ARHGEF9: variants seen among roughly 807,000 people sequenced by gnomAD.
ARHGEF9 encodes Cdc42 guanine nucleotide exchange factor 9, also known as rho guanine nucleotide exchange factor 9.
A neutral mutation model predicts 41.3 loss-of-function variants in ARHGEF9; 2 were observed. The ratio of observed to expected loss-of-function variants is 0.05; its 90% CI spans 0.02 to 0.15. The LOEUF is 0.15. Among genes scored for constraint, ARHGEF9 ranks in the 10% least tolerant of loss-of-function variants. The probability of loss-of-function intolerance (pLI) is 1.00; values close to 1 mark genes in which losing one functional copy is unlikely to be tolerated. For synonymous variants in ARHGEF9, 160 were observed against 154.4 expected (o/e 1.04, Z -0.27); for missense variants, 225 against 424.7 (o/e 0.53, Z 4.13).
intron 1 of ARHGEF9, among the ~76,000 whole-genome samples, chrX:63,781,852 A>T (rs781924820): frequency 2.5e-4 from 28 of 112,002 alleles, no homozygotes; most frequent in Non-Finnish European, 4.9e-4. Context: ...TCCCAAGGAC[A>T]TTGGCCTCCT....
intron 2 of ARHGEF9, among the ~76,000 whole-genome samples, chrX:63,716,380 G>C (rs1331562407): frequency 9.0e-5 from 10 of 111,249 alleles, no homozygotes; most frequent in Non-Finnish European, 1.9e-4. Context: ...TCTTTCAGGG[G>C]AGAAAAGTGA....
At chrX:63,743,421 G>C (rs2055082264) in intron 1 of ARHGEF9, 1 of 112,576 alleles carries the variant, frequency 8.9e-6, no homozygotes, top group African/African-American at 3.2e-5. Context: ...CCATAAAATT[G>C]GGAAAATAAT....
chrX:63,715,504 G>T (rs202102682), intron 2 of ARHGEF9, among the ~76,000 whole-genome samples: 61 of 111,635 alleles, frequency 5.5e-4, no homozygotes, highest in East Asian at 5.6e-4. Flanking sequence ...GAGTTGGAAT[G>T]TGATCTTGTT....
At position 63,637,750 on chromosome X, in the gene ARHGEF9, C is replaced by T. The variant is rs182960844; in HGVS notation, c.*278G>A. 27 of 250,488 alleles carry T rather than the reference C, an allele frequency of 1.1e-4. No individual in the cohort carries two copies. The East Asian group carries it at 1.2e-3, about 11-fold the overall frequency. 20.6% of individuals were successfully genotyped at this position (250,488 alleles called of 1,213,427 possible). The stretch of plus-strand genomic sequence containing the variant: ...GGGTAAAAATGGAAAACTTTTAAGA[C>T]GGAATCACATGTTTGGAAGTCATTG... On this transcript the variant is annotated 3_prime_UTR_variant, in exon 10 of 10. Coordinates refer to ENST00000671741, the MANE Select transcript of ARHGEF9 (RefSeq NM_001353921.2).
chrX:63,691,487 C>T (rs1263281230), intron 4 of ARHGEF9, among the ~76,000 whole-genome samples: 1 of 110,686 alleles, frequency 9.0e-6, no homozygotes, highest in African/African-American at 3.3e-5. Flanking sequence ...GACAACTACA[C>T]ACAAAAAGGG....
At chrX:63,771,881 C>T (rs1290423851) in intron 1 of ARHGEF9, among the ~76,000 whole-genome samples, 3 of 111,266 alleles carry the variant, frequency 2.7e-5, no homozygotes, top group Non-Finnish European at 5.7e-5. Context: ...GATCTTAATG[C>T]AATTAAAGTC....
intron 8 of ARHGEF9, among the ~76,000 whole-genome samples, chrX:63,651,588 G>C (rs1216121532): frequency 1.8e-5 from 2 of 111,338 alleles, no homozygotes; most frequent in Non-Finnish European, 3.8e-5. Context: ...ATGGATTACT[G>C]TTCTAAAAAT....
At chrX:63,721,819 C>G (rs1304813712) in intron 2 of ARHGEF9, among the ~76,000 whole-genome samples, 1 of 110,554 alleles carries the variant, frequency 9.0e-6, no homozygotes, top group Non-Finnish European at 1.9e-5. Context: ...GAAGGTATAT[C>G]AGCTCCTACA....
chrX:63,715,342 G>A (rs1290482609), intron 2 of ARHGEF9, among the ~76,000 whole-genome samples: 1 of 111,499 alleles, frequency 9.0e-6, no homozygotes, highest in Non-Finnish European at 1.9e-5. Flanking sequence ...TGGAAGTACC[G>A]ATTTCATGAT....
chrX:63,637,180 C>A lies in ARHGEF9; in HGVS notation c.*848G>T. Reference sequence around the variant, plus strand: ...TTGCAACGACCCAGAAGTGCTGCAACATGGGAAACCCCAGTGATAGAAGAA... The same window carrying A: ...TTGCAACGACCCAGAAGTGCTGCAAAATGGGAAACCCCAGTGATAGAAGAA... On this transcript the variant is annotated 3_prime_UTR_variant, in exon 10 of 10. Transcript: ENST00000671741. 3.4e-6 allele frequency: 1 copy of A among 297,691 alleles called. No individual in the cohort carries two copies. Among genetic ancestry groups the A allele is most frequent in the Non-Finnish European group, 5.9e-6 (1 of 170,398 alleles). 24.5% of individuals were successfully genotyped at this position (297,691 alleles called of 1,213,427 possible). A position where few individuals can be genotyped will look rare whatever the true frequency, so the allele number is the denominator to read the frequency against.
At chrX:63,717,155 A>T (rs1300753660) in intron 2 of ARHGEF9, among the ~76,000 whole-genome samples, 1 of 111,994 alleles carries the variant, frequency 8.9e-6, no homozygotes, top group African/African-American at 3.2e-5. Flanking sequence ...AGTATATTTT[A>T]AAAAGAAGTT....
intron 7 of ARHGEF9, 99 bp from the exon 8 acceptor site, chrX:63,655,836 T>C (rs2048841960): frequency 9.3e-7 from 1 of 1,073,633 alleles, no homozygotes; most frequent in Admixed American, 2.2e-5. Flanking sequence ...GTCACCGTTT[T>C]GAAGTACCAA....
intron 1 of ARHGEF9, chrX:63,754,160 A>G: frequency 1.5e-6 from 1 of 680,221 alleles, no homozygotes; most frequent in Non-Finnish European, 2.3e-6. Flanking sequence ...TGAACGCCAC[A>G]TAGATTAAAA....
At chrX:63,641,904 C>T (rs1159550203) in intron 9 of ARHGEF9, 3 of 111,397 alleles carry the variant, frequency 2.7e-5, no homozygotes, top group Admixed American at 9.5e-5. Flanking sequence ...CCTAGAAACA[C>T]TAGACTGGCT....
chrX:63,732,776 C>T (rs2054387401), intron 1 of ARHGEF9, among the ~76,000 whole-genome samples: 1 of 111,657 alleles, frequency 9.0e-6, no homozygotes, highest in African/African-American at 3.3e-5. Flanking sequence ...ACTGCCTGCT[C>T]AACATTTCAC....
chrX:63,689,493 T>C (rs1365929197), intron 4 of ARHGEF9, among the ~76,000 whole-genome samples: 2 of 111,805 alleles, frequency 1.8e-5, no homozygotes, highest in Non-Finnish European at 3.8e-5. Context: ...CACCCAAATA[T>C]ACACAACAAA....
intron 1 of ARHGEF9, among the ~76,000 whole-genome samples, chrX:63,735,887 C>A (rs1487502795): frequency 9.0e-6 from 1 of 111,702 alleles, no homozygotes; most frequent in African/African-American, 3.3e-5. Flanking sequence ...TCCAGTGGTG[C>A]AATGATTTCC....
chrX:63,692,970 T>A (rs1461545982), intron 4 of ARHGEF9, among the ~76,000 whole-genome samples: 2 of 111,628 alleles, frequency 1.8e-5, no homozygotes, highest in African/African-American at 6.5e-5. Context: ...AAGACAAATA[T>A]CATATGTTTT....
At chrX:63,672,640 C>T (rs2050030649) in intron 6 of ARHGEF9, among the ~76,000 whole-genome samples, 1 of 111,159 alleles carries the variant, frequency 9.0e-6, no homozygotes, top group Admixed American at 9.6e-5. Context: ...CCAGAGCACA[C>T]AGGGGAATCA....
Sources: gnomAD v4.1 joint callset for allele counts (sites outside exome capture counted in the v4.1 genomes callset) on GRCh38, gnomAD v4.1.1 for gene constraint, MANE v1.5 for transcripts, NCBI Gene and HGNC (gene_info 2026-07-23, HGNC 2026-07-21) for gene names.